The following SLC35D4 variants were observed in gnomAD, a reference collection of about 807,000 sequenced individuals.
SLC35D4 encodes solute carrier family 35 member D4, also known as UDP-N-acetylglucosamine transporter SLC35D4.
chr18:23,240,045 G>A, the SLC35D4 span, among the ~76,000 whole-genome samples: 45 of 152,192 alleles, frequency 3.0e-4, no homozygotes, highest in Non-Finnish European at 5.6e-4. Context: ...TTGAACCCAG[G>A]AGGCAGAGGC....
At chr18:23,246,520 T>G in the SLC35D4 span, among the ~76,000 whole-genome samples, 1 of 151,868 alleles carries the variant, frequency 6.6e-6, no homozygotes, top group East Asian at 2.0e-4. Context: ...GCCTCCCAAG[T>G]AGCTGGGACT....
the SLC35D4 span, among the ~76,000 whole-genome samples, chr18:23,239,333 T>C: frequency 6.1e-4 from 93 of 152,378 alleles, no homozygotes; most frequent in Middle Eastern, 6.8e-3. Context: ...GAATTGCGCA[T>C]GGACTGCATT....
the SLC35D4 span, among the ~76,000 whole-genome samples, chr18:23,431,055 G>A: frequency 2.0e-5 from 3 of 146,710 alleles, no homozygotes; most frequent in Non-Finnish European, 3.0e-5. Flanking sequence ...TCAGGAGGCT[G>A]AGGCAGAAGA....
the SLC35D4 span, chr18:23,260,127 C>G: frequency 2.0e-5 from 3 of 152,302 alleles, no homozygotes; most frequent in Non-Finnish European, 4.4e-5. Flanking sequence ...CCAGCCCCCA[C>G]TGTACCCCTC....
At chr18:23,402,016 A>G in the SLC35D4 span, among the ~76,000 whole-genome samples, 4 of 152,084 alleles carry the variant, frequency 2.6e-5, no homozygotes, top group Admixed American at 2.6e-4. Flanking sequence ...CAGGCACAGG[A>G]CCCCGGTGCT....
the SLC35D4 span, chr18:23,297,833 GCCA>G: frequency 4.2e-6 from 3 of 709,720 alleles, no homozygotes; most frequent in Non-Finnish European, 7.0e-6. Flanking sequence ...GGCCTCATCA[GCCA>G]CCACCACATT....
chr18:23,243,468 GTTTTTTTTT>G, the SLC35D4 span, among the ~76,000 whole-genome samples: 5 of 101,878 alleles, frequency 4.9e-5, no homozygotes, highest in Non-Finnish European at 1.0e-4. Flanking sequence ...TGGGTTTGGT[GTTTTTTTTT>G]TTTTTTTTTT....
At chr18:23,428,886 T>C in the SLC35D4 span, among the ~76,000 whole-genome samples, 1 of 152,242 alleles carries the variant, frequency 6.6e-6, no homozygotes, top group Admixed American at 6.5e-5. Flanking sequence ...ATTCCATCTT[T>C]ATGTCCATGT....
At chr18:23,265,155 AG>A in the SLC35D4 span, among the ~76,000 whole-genome samples, 3 of 152,234 alleles carry the variant, frequency 2.0e-5, no homozygotes, top group African/African-American at 4.8e-5. Flanking sequence ...TGCAGATCCC[AG>A]CACCCAGGTT....
chr18:23,333,166 C>G, the SLC35D4 span, among the ~76,000 whole-genome samples: 1,603 of 152,174 alleles, frequency 0.011, 27 homozygotes, highest in African/African-American at 0.037. Context: ...CTTAAAAAAG[C>G]CCAACTATAA....
the SLC35D4 span, among the ~76,000 whole-genome samples, chr18:23,253,442 C>T: frequency 6.6e-6 from 1 of 152,206 alleles, no homozygotes; most frequent in Non-Finnish European, 1.5e-5. Flanking sequence ...AAGATCGTGC[C>T]ACTGCACTCC....
chr18:23,374,610 C>T, the SLC35D4 span, among the ~76,000 whole-genome samples: 10 of 151,798 alleles, frequency 6.6e-5, no homozygotes, highest in African/African-American at 1.9e-4. Context: ...CTCAGCCTCC[C>T]GAGTAACTGT....
the SLC35D4 span, among the ~76,000 whole-genome samples, chr18:23,320,522 C>A: frequency 6.6e-6 from 1 of 152,162 alleles, no homozygotes; most frequent in Non-Finnish European, 1.5e-5. Flanking sequence ...TGCTTTCCTG[C>A]CTATTTACAT....
chr18:23,254,819 G>T, the SLC35D4 span, among the ~76,000 whole-genome samples: 1 of 152,084 alleles, frequency 6.6e-6, no homozygotes, highest in Non-Finnish European at 1.5e-5. Context: ...ACTCCCAAAG[G>T]CCCCATCTCC....
chr18:23,390,256 A>T, the SLC35D4 span, among the ~76,000 whole-genome samples: 1 of 152,202 alleles, frequency 6.6e-6, no homozygotes, highest in East Asian at 1.9e-4. Flanking sequence ...CTAAAGAGAA[A>T]CAGAAAACTA....
chr18:23,267,589 G>A, the SLC35D4 span, among the ~76,000 whole-genome samples: 1 of 152,106 alleles, frequency 6.6e-6, no homozygotes, highest in Non-Finnish European at 1.5e-5. Flanking sequence ...TGGCTCTCCG[G>A]CTGCCCACTC....
At chr18:23,255,877 T>C in the SLC35D4 span, among the ~76,000 whole-genome samples, 1 of 152,092 alleles carries the variant, frequency 6.6e-6, no homozygotes, top group Non-Finnish European at 1.5e-5. Context: ...TAATGAATCT[T>C]TTGATGTAAC....
chr18:23,313,156 A>AAAAAAAAAAT, the SLC35D4 span, among the ~76,000 whole-genome samples: 1 of 146,522 alleles, frequency 6.8e-6, no homozygotes, highest in Non-Finnish European at 1.5e-5. Flanking sequence ...AAAAAAAAAA[A>AAAAAAAAAAT]AGAACCTGAG....
chr18:23,430,773 T>C, the SLC35D4 span: 2 of 1,183,234 alleles, frequency 1.7e-6, no homozygotes, highest in Non-Finnish European at 2.4e-6. Flanking sequence ...CATAACCACA[T>C]AACCTAAGTA....
Sources: allele counts gnomAD v4.1 joint callset (sites outside exome capture counted in the v4.1 genomes callset), GRCh38; gene constraint gnomAD v4.1.1; transcripts MANE v1.5; gene names NCBI Gene and HGNC (gene_info 2026-07-23, HGNC 2026-07-21).